The following POU2F1 variants were observed in gnomAD, a reference collection of about 807,000 sequenced individuals.
POU2F1 encodes the protein POU class 2 homeobox 1.
Under a neutral mutation model 84.9 loss-of-function variants are expected in POU2F1, and 16 were observed. The ratio of observed to expected loss-of-function variants is 0.19; its 90% CI spans 0.13 to 0.29. The LOEUF (loss-of-function observed/expected upper bound fraction) is 0.29, where lower values mean the gene tolerates loss of function less well. Ranked by LOEUF, POU2F1 falls within the 10% of genes least tolerant of loss-of-function variation. The pLI, the probability that POU2F1 is intolerant of heterozygous loss-of-function variation, is 1.00. For missense variants in POU2F1, 738 were observed against 942.6 expected (o/e 0.78, Z 2.84); for synonymous variants, 368 against 368.3 (o/e 1.00, Z 0.01).
rs930209252 is a variant in POU2F1, at chr1:167,417,314, T to A, written c.*1504T>A. 3.3e-5 allele frequency: 5 copies of A among 152,330 alleles called. No individual in the cohort carries two copies. In the East Asian group the frequency reaches 9.6e-4, roughly 29 times the overall value. The allele number at this position is 152,330 out of a possible 1,614,324, so 9.4% of individuals were successfully genotyped here. ...CACACACCTTAAGTGTCTCCTTGGT[T>A]TGTTCATGATGCTCCTGCTAGGTAG... On this transcript the variant is annotated 3_prime_UTR_variant, in exon 16 of 16. Coordinates refer to ENST00000367866, the MANE Select transcript of POU2F1 (RefSeq NM_002697.4).
intron 1 of POU2F1, among the ~76,000 whole-genome samples, chr1:167,314,071 C>T (rs1040068008): frequency 6.6e-6 from 1 of 152,146 alleles, no homozygotes; most frequent in South Asian, 2.1e-4. Flanking sequence ...TGGTGGCATG[C>T]ACCTGTAATC....
At chr1:167,351,700 A>G (rs1658595216) in intron 2 of POU2F1, among the ~76,000 whole-genome samples, 1 of 152,034 alleles carries the variant, frequency 6.6e-6, no homozygotes, top group South Asian at 2.1e-4. Context: ...AGTAGATTCC[A>G]GGCTGGATAT....
At chr1:167,358,737 T>TTTTTTTTTTTTTTTTTA (rs71097670) in intron 2 of POU2F1, among the ~76,000 whole-genome samples, 1 of 88,774 alleles carries the variant, frequency 1.1e-5, no homozygotes, top group African/African-American at 3.7e-5. Flanking sequence ...TTTTTTTTTT[T>TTTTTTTTTTTTTTTTTA]GAGACAGGTT....
At chr1:167,278,037 C>G (rs1652860556) in intron 1 of POU2F1, among the ~76,000 whole-genome samples, 1 of 152,160 alleles carries the variant, frequency 6.6e-6, no homozygotes, top group African/African-American at 2.4e-5. Flanking sequence ...CAAATCCAGT[C>G]ATGTCATTCT....
At chr1:167,282,694 T>C (rs1653241711) in intron 1 of POU2F1, among the ~76,000 whole-genome samples, 1 of 152,174 alleles carries the variant, frequency 6.6e-6, no homozygotes, top group African/African-American at 2.4e-5. Flanking sequence ...TCTGTACTTT[T>C]CCACCCTCAT....
Position 167,239,312 on chromosome 1 carries a change from A to T in POU2F1, c.61+18354A>T, listed in dbSNP as rs74795480. On this transcript the variant is annotated intron_variant, in intron 1 of 15. Transcript: ENST00000367866. ...ATAGTTTAAATTTCGAATATCTGTGAATCTTCACTCCCCATATCTTTTTTG... is the reference window on the plus strand; with the variant it reads ...ATAGTTTAAATTTCGAATATCTGTGTATCTTCACTCCCCATATCTTTTTTG... 5.2e-3 allele frequency among the ~76,000 whole-genome samples: 795 copies of T among 152,328 alleles called. 5 individuals carry two copies. The highest frequency in any genetic ancestry group is 0.019 in the African/African-American group (771 of 41,570).
At chr1:167,386,224 GCT>G (rs1278287815) in intron 8 of POU2F1, among the ~76,000 whole-genome samples, 1 of 152,180 alleles carries the variant, frequency 6.6e-6, no homozygotes, top group Non-Finnish European at 1.5e-5. Flanking sequence ...GCAAGGTCTT[GCT>G]CTGTCACCCA....
At chr1:167,265,444 A>G (rs993281373) in intron 1 of POU2F1, among the ~76,000 whole-genome samples, 7 of 152,230 alleles carry the variant, frequency 4.6e-5, no homozygotes, top group Non-Finnish European at 8.8e-5. Flanking sequence ...GGTTATTCAG[A>G]GTCATTGATT....
rs35886551 is a variant in POU2F1, at chr1:167,272,300, C to CTTTT, written c.61+51355_61+51358dup. Among the ~76,000 whole-genome samples, 130 of 122,586 alleles carry CTTTT rather than the reference C, an allele frequency of 1.1e-3. 2 individuals are homozygous for CTTTT. The highest frequency in any genetic ancestry group is 3.8e-3 in the African/African-American group (122 of 32,332). 80.4% of individuals were successfully genotyped at this position (122,586 alleles called of 152,430 possible). ...AAAATGTCAAAATAGTAAATATTACCTTTTTTTTTTTTTTTTGACAATGCC... is the reference window on the plus strand; with the variant it reads ...AAAATGTCAAAATAGTAAATATTACCTTTTTTTTTTTTTTTTTTTTGACAATGCC... On this transcript the variant is annotated intron_variant, in intron 1 of 15. Transcript: ENST00000367866.
intron 1 of POU2F1, among the ~76,000 whole-genome samples, chr1:167,234,272 T>C (rs1039969728): frequency 4.6e-5 from 7 of 152,220 alleles, no homozygotes; most frequent in Non-Finnish European, 1.0e-4. Context: ...TGCATTCTTA[T>C]CTCTGTATTG....
chr1:167,392,873 C>A (rs1038799806), intron 9 of POU2F1, among the ~76,000 whole-genome samples: 1 of 152,186 alleles, frequency 6.6e-6, no homozygotes, highest in Admixed American at 6.5e-5. Flanking sequence ...AAAGGTTGCT[C>A]TGTGTCCAAT....
At chr1:167,259,876 T>C (rs1346947287) in intron 1 of POU2F1, among the ~76,000 whole-genome samples, 2 of 152,130 alleles carry the variant, frequency 1.3e-5, no homozygotes, top group Non-Finnish European at 1.5e-5. Context: ...TTATTGATCA[T>C]TGCGTTTCTT....
At chr1:167,245,434 A>G (rs554385294) in intron 1 of POU2F1, among the ~76,000 whole-genome samples, 33 of 132,734 alleles carry the variant, frequency 2.5e-4, no homozygotes, top group Admixed American at 5.5e-4. Context: ...TTTTTTTGAG[A>G]TGGAGTTTTG....
intron 13 of POU2F1, among the ~76,000 whole-genome samples, chr1:167,401,785 G>A (rs984489138): frequency 1.3e-5 from 2 of 152,200 alleles, no homozygotes; most frequent in Non-Finnish European, 2.9e-5. Flanking sequence ...GTTATTTCCG[G>A]TCTGAACCTG....
rs796973974 is a variant in POU2F1, at chr1:167,418,557, T to C, written c.*2747T>C. On this transcript the variant is annotated 3_prime_UTR_variant, in exon 16 of 16. Coordinates refer to ENST00000367866, the MANE Select transcript of POU2F1 (RefSeq NM_002697.4). ...ACCCAGTATACTGGATTAGAAGTTA[T>C]AGCATTAATTTCTCAAAATTGCTAC... is the stretch of plus-strand genomic sequence containing the variant. 7.2e-5 allele frequency: 11 copies of C among 152,306 alleles called. No homozygotes were observed. The highest frequency in any genetic ancestry group is 2.4e-4 in the African/African-American group (10 of 41,566). The allele number at this position is 152,306 out of a possible 1,614,324, so 9.4% of individuals were successfully genotyped here. A position where few individuals can be genotyped will look rare whatever the true frequency, so the allele number is the denominator to read the frequency against.
At chr1:167,344,183 A>G (rs1241879389) in intron 2 of POU2F1, among the ~76,000 whole-genome samples, 1 of 152,254 alleles carries the variant, frequency 6.6e-6, no homozygotes, top group Non-Finnish European at 1.5e-5. Flanking sequence ...TGGCCAGTAC[A>G]TATAATAGAA....
At chr1:167,230,525 G>A (rs1557831988) in intron 1 of POU2F1, among the ~76,000 whole-genome samples, 2 of 152,082 alleles carry the variant, frequency 1.3e-5, no homozygotes, top group Admixed American at 1.3e-4. Context: ...TAGCTTTTGA[G>A]GCACTTTCAC....
chr1:167,275,113 C>G (rs1026286375), intron 1 of POU2F1, among the ~76,000 whole-genome samples: 2 of 150,756 alleles, frequency 1.3e-5, no homozygotes, highest in Non-Finnish European at 2.9e-5. Flanking sequence ...CCTTTGAGCT[C>G]CCAGGCTCAA....
rs570165282 is a variant in POU2F1 at position 167,325,611 on chromosome 1, G to T, written c.62-6859G>T. Among the ~76,000 whole-genome samples, 11 of 152,210 alleles carry T rather than the reference G, an allele frequency of 7.2e-5. No individual in the cohort carries two copies. In the South Asian group the frequency reaches 2.3e-3, roughly 32 times the overall value. ...AAATATTTTAATACTAGTAGTGTCG[G>T]CTGGGCATGGTGGCTCATGCCTGTA... On this transcript the variant is annotated intron_variant, in intron 1 of 15. Transcript: ENST00000367866.
Sources: gnomAD v4.1 joint callset for allele counts (sites outside exome capture counted in the v4.1 genomes callset) on GRCh38, gnomAD v4.1.1 for gene constraint, MANE v1.5 for transcripts, NCBI Gene and HGNC (gene_info 2026-07-23, HGNC 2026-07-21) for gene names.